The following SBF1 variants were observed in gnomAD, a reference collection of about 807,000 sequenced individuals.
SBF1 encodes myotubularin-related protein 5.
Under a neutral mutation model 215.8 loss-of-function variants are expected in SBF1, and 65 were observed. That is an observed-to-expected ratio of 0.30 (90% CI 0.25 to 0.37). The LOEUF is 0.37. Among genes scored for constraint, SBF1 ranks in the 10% least tolerant of loss-of-function variants. The pLI, the probability that SBF1 is intolerant of heterozygous loss-of-function variation, is 1.00. For missense variants in SBF1, 2,634 were observed against 2,667.8 expected, an observed-to-expected ratio of 0.99 and a Z score of 0.28; for synonymous variants, 1,410 against 1,122.8, an observed-to-expected ratio of 1.26 and a Z score of -5.11.
intron 36 of SBF1, among the ~76,000 whole-genome samples, chr22:50,452,140 T>TAAAA (rs374473892): frequency 5.3e-5 from 6 of 113,192 alleles, no homozygotes; most frequent in Non-Finnish European, 7.5e-5. Context: ...ACTGCTGAAT[T>TAAAA]AAAAAAAAAA....
Position 50,454,538 on chromosome 22 carries a change from G to C in SBF1, c.5017C>G (p.Pro1673Ala), listed in dbSNP as rs780945039. 3.1e-6 allele frequency: 5 copies of C among 1,610,400 alleles called. No individual in the cohort carries two copies. In the East Asian group the frequency reaches 1.1e-4, roughly 36 times the overall value. Reference sequence around the variant, plus strand: ...TCCAGCAGGCGTGAGATGGCGTCAGGCTGGGCCCGCGGGCAGCTGTCGTAA... The same window carrying C: ...TCCAGCAGGCGTGAGATGGCGTCAGCCTGGGCCCGCGGGCAGCTGTCGTAA... ...PCYDSCPRAQ[P>A]DAISRLLEEL... The change falls in exon 36 of 41, where the codon CCT becomes GCT. Residue 1673 changes from proline to alanine, a missense_variant. Transcript: ENST00000380817.
At chr22:50,458,394 T>G in intron 28 of SBF1, among the ~76,000 whole-genome samples, 1 of 150,042 alleles carries the variant, frequency 6.7e-6, no homozygotes, top group Non-Finnish European at 1.5e-5. Flanking sequence ...TGCTGGGCAC[T>G]GAGGGGGACA....
rs1569513713 is a variant in SBF1, at chr22:50,465,987, T to A, written c.985A>T (p.Ser329Cys). ...HIPPLPEPLQ[S>C]QTHSVLSMVL... ...ATGCTCAGCACACTGTGCGTCTGACTCTGCAGTGGCTCTGGCAAGGGTGGA... is the reference window on the plus strand; with the variant it reads ...ATGCTCAGCACACTGTGCGTCTGACACTGCAGTGGCTCTGGCAAGGGTGGA... Residue 329 changes from serine to cysteine, a missense_variant, in exon 9 of 41, where the codon AGT becomes TGT. Coordinates refer to ENST00000380817, the MANE Select transcript of SBF1 (RefSeq NM_002972.4). The A allele has an allele frequency of 6.2e-7, 1 of 1,613,968 alleles. No individual in the cohort carries two copies. Among genetic ancestry groups the A allele is most frequent in the Non-Finnish European group, 8.5e-7 (1 of 1,179,988 alleles).
chr22:50,461,291 G>T lies in SBF1; in HGVS notation c.2840-5C>A. On this transcript the variant is annotated splice_region_variant and splice_polypyrimidine_tract_variant and intron_variant, in intron 22 of 40. Coordinates refer to ENST00000380817, the MANE Select transcript of SBF1 (RefSeq NM_002972.4). Reference sequence around the variant, plus strand: ...GGACCACCACCTGCTCCCCAACTTAGGACAGGCCAGGCAGAGTCAGAAGCA... The same window carrying T: ...GGACCACCACCTGCTCCCCAACTTATGACAGGCCAGGCAGAGTCAGAAGCA... The T allele has an allele frequency of 1.3e-6, 2 of 1,589,312 alleles. No homozygotes were observed. The highest frequency in any genetic ancestry group is 1.7e-6 in the Non-Finnish European group (2 of 1,166,544).
intron 40 of SBF1, 38 bp from the exon 41 acceptor site, chr22:50,447,278 A>C (rs755690161): frequency 3.7e-6 from 6 of 1,613,132 alleles, no homozygotes; most frequent in Non-Finnish European, 5.1e-6. Flanking sequence ...CAGCCCCCAC[A>C]CCGCAGAGCC....
intron 36 of SBF1, 110 bp downstream of exon 36, chr22:50,454,402 G>A (rs1569509859): frequency 5.2e-6 from 5 of 968,488 alleles, no homozygotes; most frequent in East Asian, 5.0e-5. Context: ...AACCCCCAGG[G>A]GTAACCGGAC....
intron 29 of SBF1, 83 bp from the exon 30 acceptor site, chr22:50,456,756 G>A (rs1363657764): frequency 7.9e-7 from 1 of 1,260,326 alleles, no homozygotes; most frequent in African/African-American, 1.5e-5. Context: ...CCTCCAGGGA[G>A]GGGGCTGAGC....
chr22:50,457,157 G>C, intron 28 of SBF1, 46 bp from the exon 29 acceptor site: 1 of 1,405,272 alleles, frequency 7.1e-7, no homozygotes, highest in Non-Finnish European at 9.3e-7. Flanking sequence ...CCCAGGCCTG[G>C]GCGTGCCCAG....
intron 1 of SBF1, among the ~76,000 whole-genome samples, chr22:50,470,343 G>C (rs1180035291): frequency 6.6e-6 from 1 of 152,208 alleles, no homozygotes; most frequent in African/African-American, 2.4e-5. Flanking sequence ...AGGATGGGCA[G>C]AGTGGCAGGT....
At chr22:50,454,361 T>C (rs1488873289) in intron 36 of SBF1, 151 bp downstream of exon 36, 3 of 687,102 alleles carry the variant, frequency 4.4e-6, no homozygotes, top group Non-Finnish European at 7.5e-6. Flanking sequence ...AGTAGGCAGT[T>C]CACATGGTGG....
At chr22:50,472,970 G>GCTT (rs2068047032) in intron 1 of SBF1, among the ~76,000 whole-genome samples, 1 of 152,170 alleles carries the variant, frequency 6.6e-6, no homozygotes, top group African/African-American at 2.4e-5. Context: ...GTCACTTAGG[G>GCTT]GAAGGGGGGG....
intron 31 of SBF1, 196 bp downstream of exon 31, chr22:50,456,016 TCTCA>T (rs541069053): frequency 8.0e-4 from 496 of 617,166 alleles, no homozygotes; most frequent in Non-Finnish European, 1.1e-3. Context: ...CCCTGGCCAC[TCTCA>T]CTGTCAGCTG....
In SBF1 at chr22:50,466,426, A is replaced by G; in HGVS notation, c.712T>C (p.Phe238Leu). 6.4e-7 allele frequency: 1 copy of G among 1,552,854 alleles called. No homozygotes were observed. The highest frequency in any genetic ancestry group is 1.2e-5 in the South Asian group (1 of 84,382). Residue 238 changes from phenylalanine to leucine, a missense_variant, in exon 7 of 41, where the codon TTC becomes CTC. Phe to Leu is a conservative substitution (Grantham distance 22, BLOSUM62 0). Transcript: ENST00000380817. ...CAALTEHKVL[F>L]LSRSYQRLAD... Reference sequence around the variant, plus strand: ...AGCCGCTGGTAGCTCCGGGACAGGAAGAGAACCTTGTGCTCCGTGAGGGCG... The same window carrying G: ...AGCCGCTGGTAGCTCCGGGACAGGAGGAGAACCTTGTGCTCCGTGAGGGCG...
chr22:50,457,911 C>T (rs2067320628), intron 28 of SBF1, among the ~76,000 whole-genome samples: 1 of 152,248 alleles, frequency 6.6e-6, no homozygotes, highest in African/African-American at 2.4e-5. Context: ...CCTGTGTCCT[C>T]TGACGGCTGC....
Position 50,462,331 on chromosome 22 carries a change from G to A in SBF1, c.2270C>T (p.Ala757Val), listed in dbSNP as rs1378038674. The A allele has an allele frequency of 2.5e-6, 4 of 1,613,956 alleles. No homozygotes were observed. The African/African-American group carries it at 5.3e-5, about 22-fold the overall frequency. ...GCTCATGCGGTTGGCATAGTGGATG[G>A]CCTGGCTGAACACCGTGCTCTCCTC... is the stretch of plus-strand genomic sequence containing the variant. ...QKEESTVFSQ[A>V]IHYANRMSYL... Residue 757 changes from alanine (A) to valine (V), a missense_variant, in exon 19 of 41, where the codon GCC (alanine) becomes GTC (valine). Ala to Val is a moderately conservative substitution (Grantham distance 64, BLOSUM62 0). Transcript: ENST00000380817.
chr22:50,449,615 AAAACACAC>A (rs1043760710), intron 36 of SBF1, among the ~76,000 whole-genome samples: 3 of 74,458 alleles, frequency 4.0e-5, no homozygotes, highest in Non-Finnish European at 8.4e-5. Context: ...ATTCTGTCTC[AAAACACAC>A]AAACACACAC....
At chr22:50,456,453 GC>G (rs1225429112) in intron 30 of SBF1, 38 bp downstream of exon 30, 10 of 1,521,034 alleles carry the variant, frequency 6.6e-6, no homozygotes, top group Non-Finnish European at 8.9e-6. Flanking sequence ...CCCCTGCCGA[GC>G]CCCCACCCTC....
chr22:50,456,507 G>A lies in SBF1; in HGVS notation c.4071C>T (p.Asp1357=), dbSNP rs1370618735. The A allele has an allele frequency of 7.1e-7, 1 of 1,415,734 alleles. No individual in the cohort carries two copies. The highest frequency in any genetic ancestry group is 2.1e-5 in the Admixed American group (1 of 47,400). The allele number at this position is 1,415,734 out of a possible 1,614,324, so 87.7% of individuals were successfully genotyped here. A position where few individuals can be genotyped will look rare whatever the true frequency, so the allele number is the denominator to read the frequency against. ...CCCCAGTCACCTTGAGCTGGGCTTTGTCCCCAAGGATATAGAGGGCTGCTC... is the reference window on the plus strand; with the variant it reads ...CCCCAGTCACCTTGAGCTGGGCTTTATCCCCAAGGATATAGAGGGCTGCTC... ...PQRAALYILG[D]KAQLKGVRSD... is the part of the protein sequence containing the mutation. Residue 1357 remains aspartate, a synonymous_variant, in exon 30 of 41, where the codon GAC becomes GAT. Transcript: ENST00000380817.
At chr22:50,460,861 G>A in intron 23 of SBF1, 149 bp from the exon 24 acceptor site, 1 of 958,776 alleles carries the variant, frequency 1.0e-6, no homozygotes, top group Non-Finnish European at 1.5e-6. Flanking sequence ...TCACACGAAG[G>A]CAAGCGCTTG....
Sources: allele counts gnomAD v4.1 joint callset (sites outside exome capture counted in the v4.1 genomes callset), GRCh38; gene constraint gnomAD v4.1.1; transcripts MANE v1.5; gene names NCBI Gene and HGNC (gene_info 2026-07-23, HGNC 2026-07-21).